DLGAP2: variants seen among roughly 807,000 people sequenced by gnomAD.
DLGAP2 encodes disks large-associated protein 2.
A neutral mutation model predicts 100.3 loss-of-function variants in DLGAP2; 26 were observed. The observed-to-expected ratio is 0.26, with a 90% CI of 0.19 to 0.36. The LOEUF is 0.36. Ranked by LOEUF, DLGAP2 falls within the 10% of genes least tolerant of loss-of-function variation. DLGAP2 has a pLI of 1.00. For missense variants in DLGAP2, 1,858 were observed against 1,453.2 expected (o/e 1.28, Z -4.53); for synonymous variants, 886 against 630.1 (o/e 1.41, Z -6.08).
rs1451330499 is a variant in DLGAP2 at position 1,706,585 on chromosome 8, T to G, written c.*5179T>G. 1.3e-5 allele frequency: 2 copies of G among 152,236 alleles called. No individual in the cohort carries two copies. Among genetic ancestry groups the G allele is most frequent in the East Asian group, 3.9e-4 (2 of 5,188 alleles). 9.4% of individuals were successfully genotyped at this position (152,236 alleles called of 1,614,324 possible). A position where few individuals can be genotyped will look rare whatever the true frequency, so the allele number is the denominator to read the frequency against. ...ACTACAAGGGCCATTCTCCTTAGCT[T>G]CTGGCTTTCAACTGTTTCTAGATGC... is the stretch of plus-strand genomic sequence containing the variant. On this transcript the variant is annotated 3_prime_UTR_variant, in exon 15 of 15. Coordinates refer to ENST00000637795, the MANE Select transcript of DLGAP2 (RefSeq NM_001346810.2).
intron 2 of DLGAP2, among the ~76,000 whole-genome samples, chr8:928,156 A>G (rs370350366): frequency 1.3e-5 from 2 of 152,314 alleles, no homozygotes; most frequent in East Asian, 3.9e-4. Context: ...GTCATGTCAT[A>G]GACACGGATG....
chr8:945,708 T>C (rs1294158594), intron 2 of DLGAP2, among the ~76,000 whole-genome samples: 5 of 152,224 alleles, frequency 3.3e-5, no homozygotes, highest in Non-Finnish European at 5.9e-5. Context: ...AGCATCTTTA[T>C]TGGGAACATT....
intron 2 of DLGAP2, among the ~76,000 whole-genome samples, chr8:1,018,033 AC>A (rs1801520091): frequency 6.6e-6 from 1 of 151,766 alleles, no homozygotes; most frequent in Non-Finnish European, 1.5e-5. Flanking sequence ...GCGCTCACTG[AC>A]CCCTGCCCCT....
chr8:1,239,943 T>A (rs1433974085), intron 2 of DLGAP2, among the ~76,000 whole-genome samples: 1 of 138,030 alleles, frequency 7.2e-6, no homozygotes, highest in Admixed American at 7.3e-5. Context: ...TTCTCTCACA[T>A]GTTGCCGTGT....
intron 1 of DLGAP2, among the ~76,000 whole-genome samples, chr8:902,613 A>T (rs1295127035): frequency 2.7e-5 from 1 of 37,406 alleles, no homozygotes; most frequent in African/African-American, 1.2e-4. Flanking sequence ...GAGGAGATGG[A>T]TGCCAGGGGT....
At chr8:1,373,666 G>C (rs144422692) in intron 3 of DLGAP2, 1 of 152,372 alleles carries the variant, frequency 6.6e-6, no homozygotes, top group African/African-American at 2.4e-5. Flanking sequence ...CATCAGTGAA[G>C]TCCTTCCACA....
At chr8:1,104,435 G>A (rs1804687064) in intron 2 of DLGAP2, among the ~76,000 whole-genome samples, 1 of 152,202 alleles carries the variant, frequency 6.6e-6, no homozygotes, top group South Asian at 2.1e-4. Context: ...AATCCCTTTG[G>A]TGACAAGAAG....
chr8:1,202,315 T>C (rs985469661), intron 2 of DLGAP2, among the ~76,000 whole-genome samples: 1 of 151,928 alleles, frequency 6.6e-6, no homozygotes, highest in African/African-American at 2.4e-5. Flanking sequence ...TGTGTGTGTA[T>C]GTACTGGGGG....
chr8:994,441 C>G (rs1252983220), intron 2 of DLGAP2, among the ~76,000 whole-genome samples: 1 of 152,118 alleles, frequency 6.6e-6, no homozygotes, highest in Non-Finnish European at 1.5e-5. Flanking sequence ...CTCAGGTGAT[C>G]CGTCTGCCTC....
intron 1 of DLGAP2, among the ~76,000 whole-genome samples, chr8:769,999 A>G (rs755995221): frequency 2.0e-5 from 3 of 152,138 alleles, no homozygotes; most frequent in Non-Finnish European, 4.4e-5. Context: ...CACAATTATG[A>G]AACATTGAGG....
Position 1,251,286 on chromosome 8 carries a change from A to G in DLGAP2, c.74-7565A>G, listed in dbSNP as rs7015269. Among the ~76,000 whole-genome samples the G allele has an allele frequency of 6.2e-3, 946 of 152,338 alleles. 9 individuals are homozygous for G. The highest frequency in any genetic ancestry group is 0.022 in the African/African-American group (901 of 41,576). On this transcript the variant is annotated intron_variant, in intron 2 of 14. Transcript: ENST00000637795. ...ACTATCTCCTAGCATAGTACCTGACACAAGGTAGGTTTTCTATGAATATTA... is the reference window on the plus strand; with the variant it reads ...ACTATCTCCTAGCATAGTACCTGACGCAAGGTAGGTTTTCTATGAATATTA...
At position 1,130,555 on chromosome 8, in the gene DLGAP2, C is replaced by T. The variant is rs1008402999; in HGVS notation, c.74-128296C>T. On this transcript the variant is annotated intron_variant, in intron 2 of 14. Transcript: ENST00000637795. ...ACCCATTAGATAAAAGCAGATGCCG[C>T]GTTTTCTGAACCCCAACTGTAACTG... Among the ~76,000 whole-genome samples, 10 of 152,286 alleles carry T rather than the reference C, an allele frequency of 6.6e-5. No homozygotes were observed. In the South Asian group the frequency reaches 1.0e-3, roughly 16 times the overall value.
chr8:1,688,564 A>G (rs1469245441), intron 12 of DLGAP2: 1 of 152,160 alleles, frequency 6.6e-6, no homozygotes, highest in Non-Finnish European at 1.5e-5. Context: ...AGAACACAGG[A>G]CAACACTTAC....
intron 2 of DLGAP2, among the ~76,000 whole-genome samples, chr8:1,085,173 G>T (rs1043499725): frequency 1.3e-5 from 2 of 152,224 alleles, no homozygotes; most frequent in African/African-American, 2.4e-5. Context: ...TTTGAGAAAT[G>T]TGTGTTCAGG....
chr8:1,327,656 A>G (rs1801052559), intron 3 of DLGAP2, among the ~76,000 whole-genome samples: 1 of 152,102 alleles, frequency 6.6e-6, no homozygotes, highest in Non-Finnish European at 1.5e-5. Context: ...CATCCTGACT[A>G]ACACCATGAA....
At chr8:1,267,120 T>C (rs1799469011) in intron 3 of DLGAP2, among the ~76,000 whole-genome samples, 1 of 151,708 alleles carries the variant, frequency 6.6e-6, no homozygotes, top group African/African-American at 2.4e-5. Flanking sequence ...TAGTCCCAGC[T>C]ACCCCTGAGA....
intron 2 of DLGAP2, among the ~76,000 whole-genome samples, chr8:1,211,685 G>T (rs1798107287): frequency 6.6e-6 from 1 of 152,146 alleles, no homozygotes; most frequent in Admixed American, 6.5e-5. Flanking sequence ...AGACCAGCCT[G>T]ACCAACATGG....
chr8:1,296,424 C>G (rs1163770960), intron 3 of DLGAP2, among the ~76,000 whole-genome samples: 2 of 152,182 alleles, frequency 1.3e-5, no homozygotes, highest in Non-Finnish European at 2.9e-5. Flanking sequence ...TCATGATTAT[C>G]CAGATCCAAG....
intron 3 of DLGAP2, among the ~76,000 whole-genome samples, chr8:1,261,954 C>T (rs932634795): frequency 2.6e-5 from 4 of 152,174 alleles, no homozygotes; most frequent in African/African-American, 9.7e-5. Context: ...GTGCAGCGCT[C>T]ATTACATCCA....
Sources: allele counts gnomAD v4.1 joint callset (sites outside exome capture counted in the v4.1 genomes callset), GRCh38; gene constraint gnomAD v4.1.1; transcripts MANE v1.5; gene names NCBI Gene and HGNC (gene_info 2026-07-23, HGNC 2026-07-21).